Variants in MBOAT1 observed in about 807,000 individuals in gnomAD.
MBOAT1 encodes membrane-bound glycerophospholipid O-acyltransferase 1.
MBOAT1 carries 67 observed loss-of-function variants against 64.4 expected under a neutral mutation model. The observed-to-expected ratio is 1.04, with a 90% confidence interval of 0.85 to 1.27. MBOAT1 has a LOEUF of 1.27. Among genes scored for constraint, MBOAT1 ranks in the 50% most tolerant of loss-of-function variants. MBOAT1 has a pLI of 0.00. For missense variants in MBOAT1, 563 were observed against 604.6 expected (o/e 0.93, Z 0.72); for synonymous variants, 229 against 218.9 (o/e 1.05, Z -0.41).
chr6:20,190,047 T>C (rs6900998), intron 1 of MBOAT1, among the ~76,000 whole-genome samples: 69,617 of 151,888 alleles, frequency 0.46, 18,707 homozygotes, highest in Non-Finnish European at 0.59. Flanking sequence ...CAGGCTGCAG[T>C]GCAGTGATGC....
At chr6:20,170,413 A>C (rs1176228987) in intron 1 of MBOAT1, among the ~76,000 whole-genome samples, 1 of 152,128 alleles carries the variant, frequency 6.6e-6, no homozygotes, top group Non-Finnish European at 1.5e-5. Context: ...CAGGTCTCTT[A>C]GCTAACGGTG....
At chr6:20,175,329 T>C (rs1187144979) in intron 1 of MBOAT1, among the ~76,000 whole-genome samples, 2 of 152,034 alleles carry the variant, frequency 1.3e-5, no homozygotes, top group Non-Finnish European at 2.9e-5. Context: ...TAGGTCACTG[T>C]AACCCTGTAA....
intron 1 of MBOAT1, among the ~76,000 whole-genome samples, chr6:20,163,576 C>G (rs1306405522): frequency 8.5e-5 from 13 of 152,128 alleles, no homozygotes; most frequent in Admixed American, 8.5e-4. Flanking sequence ...AGTGGCAACA[C>G]TGGAATTTAA....
At chr6:20,127,530 C>T (rs187772247) in intron 6 of MBOAT1, among the ~76,000 whole-genome samples, 69 of 152,228 alleles carry the variant, frequency 4.5e-4, no homozygotes, top group African/African-American at 8.2e-4. Context: ...ACCGCCTGAG[C>T]GCCACCTAAT....
intron 2 of MBOAT1, among the ~76,000 whole-genome samples, chr6:20,151,986 C>T (rs2113693798): frequency 6.6e-6 from 1 of 152,238 alleles, no homozygotes; most frequent in South Asian, 2.1e-4. Context: ...CTTACAGCAT[C>T]CCATTTACAT....
intron 4 of MBOAT1, among the ~76,000 whole-genome samples, chr6:20,143,724 A>G (rs1027013731): frequency 3.3e-5 from 5 of 152,200 alleles, no homozygotes; most frequent in African/African-American, 1.2e-4. Flanking sequence ...TGCCTATGTA[A>G]CAAACCTGCA....
At chr6:20,145,389 A>G (rs1219911674) in intron 3 of MBOAT1, among the ~76,000 whole-genome samples, 1 of 152,200 alleles carries the variant, frequency 6.6e-6, no homozygotes, top group African/African-American at 2.4e-5. Context: ...CACTCTACAT[A>G]CAGTACTTTG....
chr6:20,103,935 C>T (rs976668700), intron 12 of MBOAT1, among the ~76,000 whole-genome samples: 1 of 152,188 alleles, frequency 6.6e-6, no homozygotes, highest in African/African-American at 2.4e-5. Flanking sequence ...CACATTCACT[C>T]ACCACTCACT....
intron 1 of MBOAT1, among the ~76,000 whole-genome samples, chr6:20,170,680 C>A (rs1762162837): frequency 1.3e-5 from 2 of 152,176 alleles, no homozygotes; most frequent in Non-Finnish European, 2.9e-5. Context: ...AAGTCACCTC[C>A]TCCAGGAAGC....
At chr6:20,111,571 T>C (rs995140995) in intron 11 of MBOAT1, among the ~76,000 whole-genome samples, 3 of 152,044 alleles carry the variant, frequency 2.0e-5, no homozygotes, top group Non-Finnish European at 2.9e-5. Flanking sequence ...GTTGAAACCA[T>C]AGAGTAAAAG....
intron 4 of MBOAT1, among the ~76,000 whole-genome samples, chr6:20,135,884 A>G (rs1760976126): frequency 6.6e-6 from 1 of 152,248 alleles, no homozygotes; most frequent in African/African-American, 2.4e-5. Flanking sequence ...ACAGCAACCT[A>G]GACCGCTACT....
intron 12 of MBOAT1, among the ~76,000 whole-genome samples, chr6:20,105,046 A>T (rs1889399): frequency 7.2e-5 from 11 of 152,252 alleles, no homozygotes; most frequent in South Asian, 4.1e-4. Flanking sequence ...CATTATTGAG[A>T]GTGGAAAAAG....
At chr6:20,166,525 A>G (rs1762019166) in intron 1 of MBOAT1, among the ~76,000 whole-genome samples, 2 of 152,030 alleles carry the variant, frequency 1.3e-5, no homozygotes, top group Non-Finnish European at 2.9e-5. Flanking sequence ...CCTTTAGACA[A>G]AGGTATTCTC....
At position 20,130,818 on chromosome 6, in the gene MBOAT1, G is replaced by A. The variant is rs151323288; in HGVS notation, c.475+326C>T. Reference sequence around the variant, plus strand: ...GAGATTAAACCAAAGCTAAAAGGATGTCATTTCTTTTTAACAGATTTGAAA... The same window carrying A: ...GAGATTAAACCAAAGCTAAAAGGATATCATTTCTTTTTAACAGATTTGAAA... On this transcript the variant is annotated intron_variant, in intron 5 of 12. Transcript: ENST00000324607. Among the ~76,000 whole-genome samples the A allele has an allele frequency of 1.6e-4, 25 of 152,230 alleles. No individual in the cohort carries two copies. The East Asian group carries it at 3.7e-3, about 22-fold the overall frequency.
At chr6:20,183,842 AC>A (rs1436458809) in intron 1 of MBOAT1, among the ~76,000 whole-genome samples, 2 of 152,254 alleles carry the variant, frequency 1.3e-5, no homozygotes, top group Admixed American at 6.5e-5. Context: ...TTACAGCTCC[AC>A]ATGGCTGGGG....
At chr6:20,173,431 TA>T (rs148414791) in intron 1 of MBOAT1, among the ~76,000 whole-genome samples, 331 of 152,246 alleles carry the variant, frequency 2.2e-3, no homozygotes, top group Middle Eastern at 3.4e-3. Context: ...TCATAAAAAT[TA>T]AAACAGGTTT....
intron 1 of MBOAT1, among the ~76,000 whole-genome samples, chr6:20,162,713 A>G (rs964423445): frequency 3.9e-5 from 6 of 152,206 alleles, no homozygotes; most frequent in Non-Finnish European, 8.8e-5. Flanking sequence ...GGGCAGCTCC[A>G]TTAGTCAAAC....
chr6:20,154,197 G>C (rs1761608265), intron 1 of MBOAT1, among the ~76,000 whole-genome samples: 1 of 152,196 alleles, frequency 6.6e-6, no homozygotes, highest in Admixed American at 6.5e-5. Flanking sequence ...GTAACTCGTA[G>C]AAAATATTGC....
chr6:20,181,603 AAGCTTTGCTAT>A (rs1762511567), intron 1 of MBOAT1, among the ~76,000 whole-genome samples: 2 of 152,236 alleles, frequency 1.3e-5, no homozygotes, highest in South Asian at 4.1e-4. Context: ...AAAATGGCAG[AAGCTTTGCTAT>A]CCACCTTCTA....
Sources: gnomAD v4.1 joint callset for allele counts (sites outside exome capture counted in the v4.1 genomes callset) on GRCh38, gnomAD v4.1.1 for gene constraint, MANE v1.5 for transcripts, NCBI Gene and HGNC (gene_info 2026-07-23, HGNC 2026-07-21) for gene names.